CHM: variants seen among roughly 807,000 people sequenced by gnomAD.
CHM encodes rab proteins geranylgeranyltransferase component A 1.
Under a neutral mutation model 49.0 loss-of-function variants are expected in CHM, and 10 were observed. The observed-to-expected ratio is 0.20, with a 90% confidence interval of 0.13 to 0.35. CHM has a LOEUF of 0.35. CHM is among the 10% of genes least tolerant of loss of function. The probability of loss-of-function intolerance (pLI) is 1.00; values close to 1 mark genes in which losing one functional copy is unlikely to be tolerated. For missense variants in CHM, 455 were observed against 478.4 expected, an observed-to-expected ratio of 0.95 and a Z score of 0.46; for synonymous variants, 184 against 167.5, an observed-to-expected ratio of 1.10 and a Z score of -0.76.
intron 8 of CHM, among the ~76,000 whole-genome samples, chrX:85,915,574 T>G (rs913580943): frequency 8.9e-6 from 1 of 112,326 alleles, no homozygotes; most frequent in Admixed American, 9.4e-5. Context: ...AAAAGTTTCT[T>G]AAGCTAATAA....
chrX:85,903,812 T>G (rs1336075243), intron 9 of CHM: 1 of 307,157 alleles, frequency 3.3e-6, no homozygotes, highest in Non-Finnish European at 6.4e-6. Flanking sequence ...ACAGATAAAA[T>G]ATTTGTTTCT....
intron 1 of CHM, among the ~76,000 whole-genome samples, chrX:86,043,392 A>G (rs1934545560): frequency 9.2e-6 from 1 of 108,426 alleles, no homozygotes; most frequent in East Asian, 2.9e-4. Context: ...CTTTCCCCAT[A>G]ATCTTTAGCA....
intron 4 of CHM, among the ~76,000 whole-genome samples, chrX:85,972,429 C>G (rs898690263): frequency 1.2e-4 from 14 of 113,097 alleles, no homozygotes; most frequent in Non-Finnish European, 2.4e-4. Context: ...GTCGGGGAGG[C>G]TCGGGCTGCA....
At chrX:85,881,033 G>A (rs1473771372) in intron 12 of CHM, among the ~76,000 whole-genome samples, 1 of 111,700 alleles carries the variant, frequency 9.0e-6, no homozygotes, top group Non-Finnish European at 1.9e-5. Context: ...TAAGTCCTTT[G>A]CAGGGGCAAG....
At chrX:86,010,553 G>C (rs1250679398) in intron 2 of CHM, among the ~76,000 whole-genome samples, 1 of 110,013 alleles carries the variant, frequency 9.1e-6, no homozygotes, top group Non-Finnish European at 1.9e-5. Context: ...TCTAAACTTA[G>C]ACCAATAAAA....
intron 4 of CHM, among the ~76,000 whole-genome samples, chrX:85,965,554 TG>T (rs1930533663): frequency 9.0e-6 from 1 of 111,455 alleles, no homozygotes; most frequent in Non-Finnish European, 1.9e-5. Context: ...GGTTTATACG[TG>T]CAGACTATTT....
At chrX:85,977,303 C>T (rs182809017) in intron 4 of CHM, among the ~76,000 whole-genome samples, 45 of 112,550 alleles carry the variant, frequency 4.0e-4, no homozygotes, top group Middle Eastern at 4.6e-3. Context: ...TTATGCTCCA[C>T]GCTCTAACTG....
chrX:85,962,176 C>T (rs5968754), intron 5 of CHM, among the ~76,000 whole-genome samples: 6,090 of 112,163 alleles, frequency 0.054, 421 homozygotes, highest in African/African-American at 0.19. Context: ...TGTTATTTGA[C>T]TTGTTCAGTT....
chrX:85,939,302 C>A (rs767533075), intron 8 of CHM, among the ~76,000 whole-genome samples: 1 of 112,154 alleles, frequency 8.9e-6, no homozygotes, highest in Non-Finnish European at 1.9e-5. Context: ...AGAAAATACA[C>A]CAAAATATTC....
Position 85,964,043 on chromosome X carries a change from C to A in CHM, c.324G>T (p.Leu108Phe), listed in dbSNP as rs1457228334. The change falls in exon 5 of 15, where the codon TTG becomes TTT. Residue 108 changes from leucine to phenylalanine, a missense_variant. Coordinates refer to ENST00000357749, the MANE Select transcript of CHM (RefSeq NM_000390.4). ...CACCAGCTTCTTCGACATCTTCATGCAAATCCTGACTAATAAGAAATATAA... is the reference window on the plus strand; with the variant it reads ...CACCAGCTTCTTCGACATCTTCATGAAAATCCTGACTAATAAGAAATATAA... Reference protein sequence around the residue: ...VEVFCYASQDLHEDVEEAGAL... With the variant: ...VEVFCYASQDFHEDVEEAGAL... The A allele has an allele frequency of 4.2e-6, 5 of 1,203,869 alleles. No homozygotes were observed. The South Asian group carries it at 7.1e-5, about 17-fold the overall frequency.
chrX:86,026,102 C>CTTTTTTTTTTTTTTTTTTTTTTTTT lies in CHM; in HGVS notation c.116+1364_116+1388dup, dbSNP rs1167691945. Among the ~76,000 whole-genome samples the CTTTTTTTTTTTTTTTTTTTTTTTTT allele has an allele frequency of 3.0e-4, 8 of 26,760 alleles. 3 individuals carry two copies. The highest frequency in any genetic ancestry group is 1.8e-3 in the East Asian group (1 of 559). 23.2% of individuals were successfully genotyped at this position (26,760 alleles called of 115,157 possible). A position where few individuals can be genotyped will look rare whatever the true frequency, so the allele number is the denominator to read the frequency against. On this transcript the variant is annotated intron_variant, in intron 2 of 14. Transcript: ENST00000357749. The stretch of plus-strand genomic sequence containing the variant: ...CTGGGCTTTCAAGGTAGCAGATTTT[C>CTTTTTTTTTTTTTTTTTTTTTTTTT]TTTTTTTTTTTTTTTTTTTTTTTTT...
At chrX:85,952,693 T>C (rs1929808767) in intron 8 of CHM, among the ~76,000 whole-genome samples, 1 of 112,731 alleles carries the variant, frequency 8.9e-6, no homozygotes, top group South Asian at 3.6e-4. Flanking sequence ...GAGAGAAAAG[T>C]AAAGGGGACT....
chrX:85,907,533 G>A (rs1271451093), intron 9 of CHM, among the ~76,000 whole-genome samples: 1 of 112,506 alleles, frequency 8.9e-6, no homozygotes, highest in African/African-American at 3.2e-5. Flanking sequence ...AAGAACCACT[G>A]ATGCATACCT....
rs1462625037 is a variant in CHM, at chrX:85,956,246, G to A, written c.1073C>T (p.Thr358Ile). The A allele has an allele frequency of 1.4e-5, 17 of 1,209,488 alleles. No individual in the cohort carries two copies. Among genetic ancestry groups the A allele is most frequent in the Non-Finnish European group, 1.8e-5 (16 of 895,094 alleles). ...ASSTIDGLKA[T>I]KNFLHCLGRY... ...CCCAAGACAGTGAAGAAAGTTTTTGGTAGCTTTGAGACCATCTATGGTGCT... is the reference window on the plus strand; with the variant it reads ...CCCAAGACAGTGAAGAAAGTTTTTGATAGCTTTGAGACCATCTATGGTGCT... Residue 358 changes from threonine to isoleucine, a missense_variant, in exon 8 of 15, where the codon ACC becomes ATC. Transcript: ENST00000357749.
chrX:85,922,279 T>A (rs753770111), intron 8 of CHM, among the ~76,000 whole-genome samples: 34 of 112,623 alleles, frequency 3.0e-4, no homozygotes, highest in Non-Finnish European at 5.6e-4. Context: ...ATAAAGTAAA[T>A]TATCAGAGTT....
intron 1 of CHM, among the ~76,000 whole-genome samples, chrX:86,041,877 T>G (rs938995308): frequency 1.8e-5 from 2 of 108,283 alleles, no homozygotes; most frequent in African/African-American, 3.4e-5. Flanking sequence ...CTTACAATTT[T>G]TAAAAATCCA....
At position 85,958,106 on chromosome X, in the gene CHM, G is replaced by A. The variant is rs144255284; in HGVS notation, c.820-131C>T. On this transcript the variant is annotated intron_variant, in intron 6 of 14. Coordinates refer to ENST00000357749, the MANE Select transcript of CHM (RefSeq NM_000390.4). ...TCTAGCCAGGCTTTTTCACATCACC[G>A]TCCATCAGTACTAATGGCATCTCTG... 400 of 781,815 alleles carry A rather than the reference G, an allele frequency of 5.1e-4. No individual in the cohort carries two copies. The African/African-American group carries it at 7.4e-3, about 14-fold the overall frequency. The allele number at this position is 781,815 out of a possible 1,213,427, so 64.4% of individuals were successfully genotyped here. A position where few individuals can be genotyped will look rare whatever the true frequency, so the allele number is the denominator to read the frequency against.
chrX:86,000,268 T>A (rs1322149945), intron 2 of CHM, among the ~76,000 whole-genome samples: 1 of 11,757 alleles, frequency 8.5e-5, no homozygotes, highest in Non-Finnish European at 1.5e-4. Flanking sequence ...TAAGTCTTCC[T>A]GAAAAAAAAA....
Position 85,862,649 on chromosome X carries a change from T to G in CHM, c.*1981A>C, listed in dbSNP as rs1303253732. On this transcript the variant is annotated 3_prime_UTR_variant, in exon 15 of 15. Transcript: ENST00000357749. ...GGACTAAAGAGATGGGGAGGGGCTG[T>G]ACACTGGGAGGTAGGGATAGGAGCA... 2 of 111,937 alleles carry G rather than the reference T, an allele frequency of 1.8e-5. No individual in the cohort carries two copies. Among genetic ancestry groups the G allele is most frequent in the Non-Finnish European group, 3.8e-5 (2 of 53,168 alleles). 9.2% of individuals were successfully genotyped at this position (111,937 alleles called of 1,213,427 possible). A position where few individuals can be genotyped will look rare whatever the true frequency, so the allele number is the denominator to read the frequency against.
Sources: gnomAD v4.1 joint callset for allele counts (sites outside exome capture counted in the v4.1 genomes callset) on GRCh38, gnomAD v4.1.1 for gene constraint, MANE v1.5 for transcripts, NCBI Gene and HGNC (gene_info 2026-07-23, HGNC 2026-07-21) for gene names.